The following TLL2 variants were observed in gnomAD, a reference collection of about 807,000 sequenced individuals.
TLL2 encodes tolloid-like protein 2.
Under a neutral mutation model 123.0 loss-of-function variants are expected in TLL2, and 106 were observed. The observed-to-expected ratio is 0.86, with a 90% CI of 0.74 to 1.01. The LOEUF (loss-of-function observed/expected upper bound fraction) is 1.01. Ranked by LOEUF, TLL2 falls within the 50% of genes least tolerant of loss-of-function variation. The probability of loss-of-function intolerance (pLI) is 0.00; values close to 1 mark genes in which losing one functional copy is unlikely to be tolerated. For synonymous variants in TLL2, 494 were observed against 516.8 expected (o/e 0.96, Z 0.60); for missense variants, 1,332 against 1,336.7 (o/e 1.00, Z 0.06).
chr10:96,379,004 G>C lies in TLL2; in HGVS notation c.2283C>G (p.Gly761=). 1 of 1,614,208 alleles carries C rather than the reference G, an allele frequency of 6.2e-7. No homozygotes were observed. Among genetic ancestry groups the C allele is most frequent in the Non-Finnish European group, 8.5e-7 (1 of 1,180,032 alleles). Residue 761 remains glycine, a synonymous_variant, in exon 17 of 21, where the codon GGC becomes GGG. Coordinates refer to ENST00000357947, the MANE Select transcript of TLL2 (RefSeq NM_012465.4). The stretch of plus-strand genomic sequence containing the variant: ...CATGCCCATTCTCGTGGAGCCAGTA[G>C]CCGTTTCTGCACCTGCACAGGTAGC... ...FGSYLCRCRN[G]YWLHENGHDC...
intron 9 of TLL2, among the ~76,000 whole-genome samples, chr10:96,407,897 G>T (rs1432140614): frequency 2.0e-5 from 3 of 152,274 alleles, no homozygotes; most frequent in Non-Finnish European, 4.4e-5. Flanking sequence ...GTGTGCATGT[G>T]TGTGCGCACG....
chr10:96,403,013 G>C (rs749903607), intron 10 of TLL2, among the ~76,000 whole-genome samples: 1 of 152,170 alleles, frequency 6.6e-6, no homozygotes, highest in Non-Finnish European at 1.5e-5. Context: ...ACATGAATAT[G>C]TGCCAAGGAC....
intron 17 of TLL2, 131 bp from the exon 18 acceptor site, chr10:96,376,950 T>G: frequency 1.2e-6 from 1 of 850,500 alleles, no homozygotes; most frequent in South Asian, 2.6e-5. Flanking sequence ...GGGGGTGGGG[T>G]ATCCTGAATC....
At position 96,480,461 on chromosome 10, in the gene TLL2, T is replaced by A; in HGVS notation, c.176-2A>T. The A allele has an allele frequency of 6.2e-7, 1 of 1,612,122 alleles. No homozygotes were observed. Among genetic ancestry groups the A allele is most frequent in the Non-Finnish European group, 8.5e-7 (1 of 1,178,162 alleles). ...AGGCAATGTCTCCCCAAAAGACAGC[T>A]GGGAAGGAAACACATAAGTGGGTGA... On this transcript the variant is annotated splice_acceptor_variant, in intron 1 of 20. Coordinates refer to ENST00000357947, the MANE Select transcript of TLL2 (RefSeq NM_012465.4). LOFTEE classifies it high-confidence loss of function.
intron 3 of TLL2, among the ~76,000 whole-genome samples, chr10:96,439,650 G>A (rs867313066): frequency 6.6e-6 from 1 of 152,026 alleles, no homozygotes. Flanking sequence ...GTGGTGAAAA[G>A]GTAATATTTT....
intron 6 of TLL2, 92 bp downstream of exon 6, chr10:96,422,457 C>T: frequency 6.9e-7 from 1 of 1,451,998 alleles, no homozygotes; most frequent in Non-Finnish European, 9.4e-7. Context: ...CATTGCTCAG[C>T]TCCCAGCAAG....
intron 2 of TLL2, among the ~76,000 whole-genome samples, chr10:96,462,504 C>A (rs1847091328): frequency 6.6e-6 from 1 of 152,146 alleles, no homozygotes; most frequent in Non-Finnish European, 1.5e-5. Flanking sequence ...CTAGTGAACA[C>A]CTAACCATTG....
At chr10:96,421,127 A>C in intron 6 of TLL2, 66 bp from the exon 7 acceptor site, 1 of 1,238,512 alleles carries the variant, frequency 8.1e-7, no homozygotes, top group Non-Finnish European at 1.2e-6. Context: ...AGGCAGAGGA[A>C]GGAGAAGGAG....
At chr10:96,492,461 T>C (rs1202427614) in intron 1 of TLL2, among the ~76,000 whole-genome samples, 3 of 152,138 alleles carry the variant, frequency 2.0e-5, no homozygotes, top group Admixed American at 2.0e-4. Flanking sequence ...CCGTCTCTAC[T>C]AAAAATACTA....
chr10:96,381,015 G>A (rs1333851402), intron 16 of TLL2, among the ~76,000 whole-genome samples: 2 of 150,250 alleles, frequency 1.3e-5, no homozygotes, highest in East Asian at 3.9e-4. Flanking sequence ...AGATGAAGCC[G>A]CCCAACACCC....
At chr10:96,486,384 T>C (rs1260587266) in intron 1 of TLL2, among the ~76,000 whole-genome samples, 4 of 152,194 alleles carry the variant, frequency 2.6e-5, no homozygotes, top group Admixed American at 6.5e-5. Flanking sequence ...TCACTATCAT[T>C]AACTACCCTA....
At chr10:96,371,563 G>A (rs1795456748) in intron 19 of TLL2, among the ~76,000 whole-genome samples, 1 of 152,178 alleles carries the variant, frequency 6.6e-6, no homozygotes, top group South Asian at 2.1e-4. Context: ...ACCATTCTGA[G>A]TCCTGTGTTG....
intron 1 of TLL2, among the ~76,000 whole-genome samples, chr10:96,499,064 C>A (rs1352053953): frequency 2.0e-5 from 3 of 152,242 alleles, no homozygotes; most frequent in Admixed American, 1.3e-4. Context: ...TGCTCCTTCA[C>A]CACTTGACAC....
chr10:96,445,517 G>A (rs1024396897), intron 3 of TLL2, among the ~76,000 whole-genome samples: 1 of 152,106 alleles, frequency 6.6e-6, no homozygotes, highest in Non-Finnish European at 1.5e-5. Context: ...GTAGACCATG[G>A]AGTCTCTAGT....
chr10:96,478,480 G>C (rs1452666989), intron 2 of TLL2, among the ~76,000 whole-genome samples: 1 of 152,136 alleles, frequency 6.6e-6, no homozygotes, highest in Non-Finnish European at 1.5e-5. Flanking sequence ...CCCCACTCCT[G>C]GGCACAGGCC....
At chr10:96,409,309 A>G (rs1381330467) in intron 9 of TLL2, among the ~76,000 whole-genome samples, 1 of 152,226 alleles carries the variant, frequency 6.6e-6, no homozygotes, top group African/African-American at 2.4e-5. Flanking sequence ...AAGGGGGTCA[A>G]ATAAACCAGT....
chr10:96,372,455 G>A (rs1388156984), intron 19 of TLL2, among the ~76,000 whole-genome samples: 4 of 152,200 alleles, frequency 2.6e-5, no homozygotes, highest in African/African-American at 9.7e-5. Flanking sequence ...ATTTGCTTCT[G>A]TGGGCACTAG....
intron 12 of TLL2, 61 bp downstream of exon 12, chr10:96,395,814 A>G: frequency 1.3e-6 from 2 of 1,598,912 alleles, no homozygotes; most frequent in Non-Finnish European, 1.7e-6. Flanking sequence ...ATCTTTACAG[A>G]GTGGAGGATG....
At chr10:96,444,975 G>C (rs1846882944) in intron 3 of TLL2, among the ~76,000 whole-genome samples, 1 of 152,200 alleles carries the variant, frequency 6.6e-6, no homozygotes, top group Non-Finnish European at 1.5e-5. Flanking sequence ...AGATCACGAG[G>C]TCAGCAGACC....
Sources: gnomAD v4.1 joint callset for allele counts (sites outside exome capture counted in the v4.1 genomes callset) on GRCh38, gnomAD v4.1.1 for gene constraint, MANE v1.5 for transcripts, NCBI Gene and HGNC (gene_info 2026-07-23, HGNC 2026-07-21) for gene names.